Variants in ZIM2 observed in about 807,000 individuals in gnomAD.
The protein encoded by ZIM2 is zinc finger protein 656.
In ZIM2, 14 loss-of-function variants were observed where a neutral mutation model predicts 38.6. That is an observed-to-expected ratio of 0.36 (90% CI 0.24 to 0.57). ZIM2 has a LOEUF of 0.57. Among genes scored for constraint, ZIM2 ranks in the 20% least tolerant of loss-of-function variants. The pLI is 0.81. For synonymous variants in ZIM2, 247 were observed against 245.8 expected, an observed-to-expected ratio of 1.00 and a Z score of -0.04; for missense variants, 680 against 695.1, an observed-to-expected ratio of 0.98 and a Z score of 0.24.
intron 10 of ZIM2, among the ~76,000 whole-genome samples, chr19:56,786,423 CAG>C (rs544730309): frequency 9.2e-5 from 14 of 152,286 alleles, no homozygotes; most frequent in South Asian, 4.1e-4. Flanking sequence ...AATAAACAAA[CAG>C]ATGATGACAC....
chr19:56,797,534 T>G (rs1466960832), intron 9 of ZIM2, among the ~76,000 whole-genome samples: 5 of 152,324 alleles, frequency 3.3e-5, no homozygotes, highest in Non-Finnish European at 5.9e-5. Context: ...CTGTTAGTGT[T>G]TGTTCTCTTA....
chr19:56,800,075 T>G (rs1385138409), intron 9 of ZIM2, among the ~76,000 whole-genome samples: 1 of 152,194 alleles, frequency 6.6e-6, no homozygotes, highest in East Asian at 1.9e-4. Context: ...ATTTTGGGAT[T>G]GACAATATTG....
chr19:56,812,939 A>G (rs1360386334), intron 9 of ZIM2: 2 of 985,740 alleles, frequency 2.0e-6, no homozygotes, highest in African/African-American at 3.5e-5. Context: ...TATATTGTAA[A>G]GCCTTACACA....
At chr19:56,799,626 A>T (rs1568584226) in intron 9 of ZIM2, 1 of 152,200 alleles carries the variant, frequency 6.6e-6, no homozygotes, top group Non-Finnish European at 1.5e-5. Context: ...GAAATAAAAA[A>T]AACCCTAAAC....
At chr19:56,796,441 G>A (rs1274903033) in intron 9 of ZIM2, among the ~76,000 whole-genome samples, 1 of 151,984 alleles carries the variant, frequency 6.6e-6, no homozygotes, top group Non-Finnish European at 1.5e-5. Flanking sequence ...GTCTCACTCT[G>A]TCACCCAGGC....
intron 11 of ZIM2, among the ~76,000 whole-genome samples, chr19:56,781,663 A>G (rs1253024135): frequency 6.6e-6 from 1 of 152,118 alleles, no homozygotes; most frequent in Admixed American, 6.6e-5. Flanking sequence ...TGTCAATAAT[A>G]ACAACAACAA....
At chr19:56,823,780 G>A in intron 4 of ZIM2, 101 bp from the exon 5 acceptor site, 1 of 1,350,590 alleles carries the variant, frequency 7.4e-7, no homozygotes, top group Non-Finnish European at 1.1e-6. Flanking sequence ...GACACACATG[G>A]TTGGAATGAC....
intron 9 of ZIM2, among the ~76,000 whole-genome samples, chr19:56,806,638 C>A (rs2047769443): frequency 1.3e-5 from 2 of 152,174 alleles, no homozygotes; most frequent in South Asian, 4.1e-4. Context: ...CCTTCCTCCC[C>A]GTACATACTG....
chr19:56,825,165 C>A (rs909969784), intron 3 of ZIM2, among the ~76,000 whole-genome samples: 5 of 152,180 alleles, frequency 3.3e-5, no homozygotes, highest in Admixed American at 2.0e-4. Context: ...GACGTCAGCA[C>A]GTTTATTAGC....
At chr19:56,816,323 G>C (rs775898856) in intron 9 of ZIM2, 2 of 1,614,132 alleles carry the variant, frequency 1.2e-6, no homozygotes, top group Non-Finnish European at 1.7e-6. Context: ...TTTCGAGAAT[G>C]AATTTTCTGA....
In ZIM2 at chr19:56,782,072, A is replaced by G. The variant is rs1400231535; in HGVS notation, c.620T>C (p.Val207Ala). ...GTCCACAAGCACATCCTCGAAGGTCACCAACTCCTCAAACACCAGAAATGT... is the reference window on the plus strand; with the variant it reads ...GTCCACAAGCACATCCTCGAAGGTCGCCAACTCCTCAAACACCAGAAATGT... ...LGTFLVFEEL[V>A]TFEDVLVDFS... The change falls in exon 11 of 13, where the codon GTG becomes GCG. Residue 207 changes from valine (V) to alanine (A), a missense_variant. Physicochemically the swap from Val to Ala is moderately conservative, Grantham distance 64 (BLOSUM62 0). Transcript: ENST00000629319. 1 of 1,614,036 alleles carries G rather than the reference A, an allele frequency of 6.2e-7. No homozygotes were observed. The highest frequency in any genetic ancestry group is 8.5e-7 in the Non-Finnish European group (1 of 1,179,914).
At chr19:56,792,660 G>C (rs142007283) in intron 9 of ZIM2, among the ~76,000 whole-genome samples, 7 of 152,004 alleles carry the variant, frequency 4.6e-5, no homozygotes, top group African/African-American at 1.2e-4. Flanking sequence ...ATTCCAAAAG[G>C]GGGTAATGAG....
chr19:56,792,862 T>C (rs1005291084), intron 9 of ZIM2, among the ~76,000 whole-genome samples: 4 of 152,234 alleles, frequency 2.6e-5, no homozygotes, highest in Non-Finnish European at 5.9e-5. Context: ...CACATGAGAT[T>C]AGGCAGATCA....
intron 12 of ZIM2, among the ~76,000 whole-genome samples, chr19:56,778,400 G>A (rs984578480): frequency 6.6e-6 from 1 of 152,214 alleles, no homozygotes; most frequent in Non-Finnish European, 1.5e-5. Context: ...ACAGACAAAC[G>A]TGGAGGAGGG....
chr19:56,789,965 A>G lies in ZIM2; in HGVS notation c.491-14T>C. The G allele has an allele frequency of 6.5e-7, 1 of 1,529,112 alleles. No homozygotes were observed. The highest frequency in any genetic ancestry group is 1.3e-5 in the South Asian group (1 of 77,416). The allele number at this position is 1,529,112 out of a possible 1,614,324, so 94.7% of individuals were successfully genotyped here. A position where few individuals can be genotyped will look rare whatever the true frequency, so the allele number is the denominator to read the frequency against. On this transcript the variant is annotated splice_polypyrimidine_tract_variant and intron_variant, in intron 9 of 12. Coordinates refer to ENST00000629319, the MANE Select transcript of ZIM2 (RefSeq NM_001387356.1). ...GAGCAAGGAAACCTAGAAGGGAGAG[A>G]GGAATACCATGGAATTGAGTCCTGT...
chr19:56,821,865 GT>G, intron 6 of ZIM2, 111 bp from the exon 7 acceptor site: 1 of 1,169,058 alleles, frequency 8.6e-7, no homozygotes, highest in Non-Finnish European at 1.2e-6. Flanking sequence ...ATGAGAGCAA[GT>G]GCCTTTCTCT....
chr19:56,821,599 C>G, intron 7 of ZIM2, 52 bp downstream of exon 7: 2 of 1,601,864 alleles, frequency 1.2e-6, no homozygotes, highest in Non-Finnish European at 1.7e-6. Context: ...AAAGGCGTCT[C>G]TGCCATGAAA....
Position 56,821,731 on chromosome 19 carries a change from G to A in ZIM2, c.214C>T (p.Leu72Phe), listed in dbSNP as rs2146303649. Residue 72 changes from leucine to phenylalanine, a missense_variant, in exon 7 of 13, where the codon CTT becomes TTT. By Grantham distance (22) the Leu-to-Phe change is conservative (BLOSUM62 0). Transcript: ENST00000629319. The part of the protein sequence containing the change: ...RSRMPPRDLS[L>F]PVVAKTSFEM... ...AAGCTTGTTTTCGCCACCACAGGAA[G>A]GGAAAGATCCCGCGGAGGCATCCCT... 2.5e-6 allele frequency: 4 copies of A among 1,614,062 alleles called. No homozygotes were observed. Among genetic ancestry groups the A allele is most frequent in the Non-Finnish European group, 3.4e-6 (4 of 1,180,028 alleles).
chr19:56,779,295 C>T (rs2046196370), intron 12 of ZIM2, 82 bp downstream of exon 12: 1 of 1,453,350 alleles, frequency 6.9e-7, no homozygotes, highest in African/African-American at 1.4e-5. Flanking sequence ...TTCTCCTGGC[C>T]CAGGGGACTT....
Sources: allele counts gnomAD v4.1 joint callset (sites outside exome capture counted in the v4.1 genomes callset), GRCh38; gene constraint gnomAD v4.1.1; transcripts MANE v1.5; gene names NCBI Gene and HGNC (gene_info 2026-07-23, HGNC 2026-07-21).